TNRC6B: variants seen among roughly 807,000 people sequenced by gnomAD.
TNRC6B encodes the protein trinucleotide repeat-containing gene 6B protein.
Under a neutral mutation model 203.6 loss-of-function variants are expected in TNRC6B, and 52 were observed. That is an observed-to-expected ratio of 0.26 (90% CI 0.20 to 0.32). The LOEUF is 0.32. Ranked by LOEUF, TNRC6B falls within the 10% of genes least tolerant of loss-of-function variation. The probability of loss-of-function intolerance (pLI) is 1.00; values close to 1 mark genes in which losing one functional copy is unlikely to be tolerated. For synonymous variants in TNRC6B, 838 were observed against 845.7 expected (o/e 0.99, Z 0.16); for missense variants, 1,923 against 2,286.2 (o/e 0.84, Z 3.24).
At chr22:40,177,885 A>T (rs2069080988), upstream of TNRC6B, 6 of 1,328,794 alleles carry the variant, frequency 4.5e-6, no homozygotes, top group Middle Eastern at 8.4e-4. Flanking sequence ...AAGTCACATG[A>T]TCTGCCTCTA....
At chr22:40,131,383 C>T (rs573603293) in intron 3 of TNRC6B, among the ~76,000 whole-genome samples, 4 of 148,562 alleles carry the variant, frequency 2.7e-5, no homozygotes, top group African/African-American at 1.0e-4. Flanking sequence ...GAATTGTAGA[C>T]TTTGACCTCT....
chr22:40,099,127 G>A (rs2068211255), intron 1 of TNRC6B, among the ~76,000 whole-genome samples: 1 of 151,954 alleles, frequency 6.6e-6, no homozygotes, highest in South Asian at 2.1e-4. Flanking sequence ...GTGGACGCCT[G>A]TAATCCCAGC....
At chr22:40,065,385 A>G (rs993760880) in intron 1 of TNRC6B, among the ~76,000 whole-genome samples, 3 of 151,778 alleles carry the variant, frequency 2.0e-5, no homozygotes, top group African/African-American at 7.3e-5. Context: ...GCGTCAAGCA[A>G]CCCTCCCACC....
intron 1 of TNRC6B, among the ~76,000 whole-genome samples, chr22:40,240,078 G>A (rs1309191489): frequency 6.6e-6 from 1 of 152,054 alleles, no homozygotes; most frequent in Non-Finnish European, 1.5e-5. Context: ...TGATTTGCCC[G>A]CCTCAGCCTC....
At chr22:40,181,334 AG>A (rs2069126102) in intron 1 of TNRC6B, among the ~76,000 whole-genome samples, 1 of 152,040 alleles carries the variant, frequency 6.6e-6, no homozygotes, top group Non-Finnish European at 1.5e-5. Context: ...CTGAGGAATA[AG>A]GGTGGTCCTC....
chr22:40,188,674 A>G (rs2069235927), intron 1 of TNRC6B, among the ~76,000 whole-genome samples: 1 of 152,202 alleles, frequency 6.6e-6, no homozygotes, highest in Non-Finnish European at 1.5e-5. Flanking sequence ...TTTTAATGCC[A>G]AGAAGTTCCC....
chr22:40,170,884 TATAC>T (rs1164513872), intron 4 of TNRC6B, among the ~76,000 whole-genome samples: 2 of 137,608 alleles, frequency 1.5e-5, no homozygotes, highest in Non-Finnish European at 3.1e-5. Flanking sequence ...TATATGTGTG[TATAC>T]ATATATACCT....
At chr22:40,281,866 T>G (rs1248554646) in intron 11 of TNRC6B, among the ~76,000 whole-genome samples, 1 of 152,176 alleles carries the variant, frequency 6.6e-6, no homozygotes, top group African/African-American at 2.4e-5. Context: ...TGGGGTTGGA[T>G]CTGGCAACCC....
chr22:40,294,073 CAAA>C (rs11354611), intron 12 of TNRC6B, among the ~76,000 whole-genome samples: 8 of 80,318 alleles, frequency 1.0e-4, no homozygotes, highest in Non-Finnish European at 9.5e-5. Flanking sequence ...CCCATCTCTA[CAAA>C]AAAAAAAAAA....
At chr22:40,298,536 C>G (rs2070976499) in intron 12 of TNRC6B, among the ~76,000 whole-genome samples, 1 of 152,214 alleles carries the variant, frequency 6.6e-6, no homozygotes, top group South Asian at 2.1e-4. Context: ...TGGAGGACAT[C>G]TCTAAGCATT....
intron 15 of TNRC6B, among the ~76,000 whole-genome samples, chr22:40,306,231 G>T (rs926875113): frequency 6.6e-6 from 1 of 152,188 alleles, no homozygotes; most frequent in Non-Finnish European, 1.5e-5. Context: ...GGCGAAGGTT[G>T]CAGTGAGCCA....
chr22:40,120,879 A>C (rs2068437878), intron 2 of TNRC6B, among the ~76,000 whole-genome samples: 1 of 152,210 alleles, frequency 6.6e-6, no homozygotes, highest in South Asian at 2.1e-4. Context: ...CTAGTCTGGG[A>C]TAGACCTGCC....
intron 4 of TNRC6B, among the ~76,000 whole-genome samples, chr22:40,165,294 A>G (rs1323773018): frequency 1.3e-5 from 2 of 151,896 alleles, no homozygotes; most frequent in Non-Finnish European, 2.9e-5. Context: ...CTCCCACTTT[A>G]GCCTCTGGAG....
intron 13 of TNRC6B, 117 bp from the exon 14 acceptor site, chr22:40,300,793 C>A: frequency 1.6e-6 from 2 of 1,220,496 alleles, no homozygotes; most frequent in South Asian, 1.5e-5. Context: ...GGTGTTACTT[C>A]CCTCCTGGAT....
In TNRC6B at chr22:40,261,845, G is replaced by A. The variant is rs775507581; in HGVS notation, c.129G>A (p.Thr43=). 11 of 1,569,690 alleles carry A rather than the reference G, an allele frequency of 7.0e-6. No individual in the cohort carries two copies. Among genetic ancestry groups the A allele is most frequent in the African/African-American group, 2.7e-5 (2 of 74,290 alleles). ...CCTCTCTTTTAGTGCCCGAAGTGAC[G>A]AAACCAAGTTTAAGCCAACCAACGG... ...TEQKTKVPEV[T]KPSLSQPTAA... The change falls in exon 4 of 23, where the codon ACG becomes ACA. Residue 43 remains threonine, a synonymous_variant. Transcript: ENST00000454349.
chr22:40,253,809 C>T (rs2070229610), intron 3 of TNRC6B: 1 of 435,336 alleles, frequency 2.3e-6, no homozygotes, highest in Non-Finnish European at 4.6e-6. Flanking sequence ...CACCTTGGTA[C>T]TGTAAATCTC....
chr22:40,198,886 T>A (rs2069374178), intron 1 of TNRC6B, among the ~76,000 whole-genome samples: 1 of 152,076 alleles, frequency 6.6e-6, no homozygotes, highest in Non-Finnish European at 1.5e-5. Flanking sequence ...ACAGCAGTAT[T>A]CCAATAGCAG....
In TNRC6B at chr22:40,325,337, A is replaced by T. The variant is rs377488788; in HGVS notation, c.*2096A>T. ...GTATAGGAAAAGCCTAAAACAAGTT[A>T]TTTGCATTTCAGTGGTTTTGTGAGA... On this transcript the variant is annotated 3_prime_UTR_variant, in exon 23 of 23. Transcript: ENST00000454349. The T allele has an allele frequency of 2.6e-5, 4 of 152,680 alleles. No homozygotes were observed. Among genetic ancestry groups the T allele is most frequent in the East Asian group, 1.9e-4 (1 of 5,174 alleles). 9.5% of individuals were successfully genotyped at this position (152,680 alleles called of 1,614,324 possible). A position where few individuals can be genotyped will look rare whatever the true frequency, so the allele number is the denominator to read the frequency against.
intron 1 of TNRC6B, among the ~76,000 whole-genome samples, chr22:40,063,294 G>A (rs754195005): frequency 2.0e-5 from 3 of 152,136 alleles, no homozygotes; most frequent in Non-Finnish European, 4.4e-5. Flanking sequence ...CTGTCTTTAT[G>A]CCATTACCAC....
Sources: allele counts gnomAD v4.1 joint callset (sites outside exome capture counted in the v4.1 genomes callset), GRCh38; gene constraint gnomAD v4.1.1; transcripts MANE v1.5; gene names NCBI Gene and HGNC (gene_info 2026-07-23, HGNC 2026-07-21).